The following UGT2A1 variants were observed in gnomAD, a reference collection of about 807,000 sequenced individuals.
UGT2A1 encodes the protein UDP-glucuronosyltransferase 2A1.
Under a neutral mutation model 45.4 loss-of-function variants are expected in UGT2A1, and 61 were observed. The observed-to-expected ratio is 1.34, with a 90% confidence interval of 1.09 to 1.66. The LOEUF is 1.66. Among genes scored for constraint, UGT2A1 ranks in the 40% most tolerant of loss-of-function variants. The probability of loss-of-function intolerance (pLI) is 0.00; values close to 1 mark genes in which losing one functional copy is unlikely to be tolerated. For missense variants in UGT2A1, 649 were observed against 574.3 expected (o/e 1.13, Z -1.33); for synonymous variants, 229 against 196.2 (o/e 1.17, Z -1.40).
chr4:69,649,550 C>T (rs1349649172), intron 1 of UGT2A1, among the ~76,000 whole-genome samples: 1 of 152,028 alleles, frequency 6.6e-6, no homozygotes, highest in Non-Finnish European at 1.5e-5. Flanking sequence ...ACCAGTTAGG[C>T]AGATAGTTAG....
chr4:69,597,026 A>T (rs1718971004), intron 4 of UGT2A1, among the ~76,000 whole-genome samples: 1 of 152,208 alleles, frequency 6.6e-6, no homozygotes, highest in African/African-American at 2.4e-5. Flanking sequence ...TCATAAAAAC[A>T]GTTTTTGGAG....
intron 4 of UGT2A1, among the ~76,000 whole-genome samples, 176 bp from the exon 5 acceptor site, chr4:69,595,425 T>A (rs981681690): frequency 6.6e-6 from 1 of 152,232 alleles, no homozygotes; most frequent in South Asian, 2.1e-4. Context: ...TTTTGTAAAG[T>A]CTTGTACTAA....
In UGT2A1 at chr4:69,607,602, G is replaced by C. The variant is rs1422705934; in HGVS notation, c.848-8208C>G. On this transcript the variant is annotated intron_variant, in intron 3 of 6. Coordinates refer to ENST00000286604, the MANE Select transcript of UGT2A1 (RefSeq NM_001252275.3). Reference sequence around the variant, plus strand: ...ATTAAACTAAAGAGCTTCTGCACAGGAAAAGAAACTACCATCAGAGTGAAC... The same window carrying C: ...ATTAAACTAAAGAGCTTCTGCACAGCAAAAGAAACTACCATCAGAGTGAAC... Among the ~76,000 whole-genome samples, 124 of 150,884 alleles carry C rather than the reference G, an allele frequency of 8.2e-4. 1 individual carries two copies. Among genetic ancestry groups the C allele is most frequent in the African/African-American group, 2.7e-3 (110 of 41,296 alleles).
intron 3 of UGT2A1, among the ~76,000 whole-genome samples, chr4:69,615,713 A>G (rs943580426): frequency 6.6e-6 from 1 of 151,938 alleles, no homozygotes; most frequent in Admixed American, 6.6e-5. Context: ...CCCCGCCGCA[A>G]AAACAAACAA....
At chr4:69,614,359 T>C (rs921929588) in intron 3 of UGT2A1, among the ~76,000 whole-genome samples, 1 of 151,954 alleles carries the variant, frequency 6.6e-6, no homozygotes, top group East Asian at 1.9e-4. Context: ...GTTCATAGAA[T>C]AGAGGAATCG....
rs1199302460 is a variant in UGT2A1, at chr4:69,629,859, C to T, written c.847+5832G>A. On this transcript the variant is annotated intron_variant, in intron 3 of 6. Coordinates refer to ENST00000286604, the MANE Select transcript of UGT2A1 (RefSeq NM_001252275.3). ...CCTGTGAGTCTTTCTAGTGAATCAT[C>T]GAGTCTCAGAGTAGATCCATAAGAA... Among the ~76,000 whole-genome samples the T allele has an allele frequency of 2.6e-5, 4 of 152,010 alleles. 1 individual carries two copies. In the South Asian group the frequency reaches 6.3e-4, roughly 24 times the overall value.
At chr4:69,624,264 T>C (rs552149033) in intron 3 of UGT2A1, among the ~76,000 whole-genome samples, 1 of 151,632 alleles carries the variant, frequency 6.6e-6, no homozygotes, top group Non-Finnish European at 1.5e-5. Flanking sequence ...TCTCTGAAGG[T>C]CTAATTTATC....
rs751362324 is a variant in UGT2A1, at chr4:69,599,260, T to A, written c.982A>T (p.Lys328Ter). The change falls in exon 4 of 7, where the codon AAA becomes TAA. Residue 328 changes from lysine to a stop codon, truncating the protein, a stop_gained. Coordinates refer to ENST00000286604, the MANE Select transcript of UGT2A1 (RefSeq NM_001252275.3). LOFTEE classifies it high-confidence loss of function. ...FVGGLHCKPA[K>*]PLPKVLWRYK... The stretch of plus-strand genomic sequence containing the variant: ...TGTAGACCTACCTTAGGTAAAGGTT[T>A]GGCAGGTTTGCAGTGCAATCCTCCA... The A allele has an allele frequency of 4.3e-6, 7 of 1,613,602 alleles. No individual in the cohort carries two copies. Among genetic ancestry groups the A allele is most frequent in the Non-Finnish European group, 5.9e-6 (7 of 1,179,810 alleles).
In UGT2A1 at chr4:69,626,352, C is replaced by CA. The variant is rs985337760; in HGVS notation, c.847+9338dup. Among the ~76,000 whole-genome samples the CA allele has an allele frequency of 6.5e-4, 94 of 143,732 alleles. 1 individual carries two copies. Among genetic ancestry groups the CA allele is most frequent in the East Asian group, 4.0e-3 (20 of 4,974 alleles). 94.3% of individuals were successfully genotyped at this position (143,732 alleles called of 152,430 possible). On this transcript the variant is annotated intron_variant, in intron 3 of 6. Transcript: ENST00000286604. ...GATGTTTGGAGACCTTTAACCATGG[C>CA]AAAAAAAAAACTATATACATATGTA...
At chr4:69,624,107 A>C (rs935540231) in intron 3 of UGT2A1, among the ~76,000 whole-genome samples, 1 of 151,570 alleles carries the variant, frequency 6.6e-6, no homozygotes, top group Admixed American at 6.6e-5. Flanking sequence ...TATAAATGGG[A>C]ATCTGTCTAT....
chr4:69,638,810 T>A, intron 2 of UGT2A1: 13 of 1,416,634 alleles, frequency 9.2e-6, no homozygotes, highest in Non-Finnish European at 1.1e-5. Context: ...CAGCTCAGCA[T>A]ATGCAGTGGA....
intron 3 of UGT2A1, among the ~76,000 whole-genome samples, chr4:69,608,949 C>A (rs1285308447): frequency 1.3e-5 from 2 of 151,992 alleles, no homozygotes; most frequent in African/African-American, 4.8e-5. Flanking sequence ...GCATAAAAAT[C>A]CTTTTTTTAA....
At chr4:69,639,670 A>T (rs773676257) in intron 2 of UGT2A1, 1 of 1,519,446 alleles carries the variant, frequency 6.6e-7, no homozygotes, top group Non-Finnish European at 8.8e-7. Context: ...GATGAAAAAA[A>T]AATCTTCAAA....
In UGT2A1 at chr4:69,608,922, TA is replaced by T. The variant is rs1322588760; in HGVS notation, c.848-9529del. ...TATGTTTAAAGTAAAAGCAAAACCATAGCTTCTATTAAGACAGCATAAAAAT... is the reference window on the plus strand; with the variant it reads ...TATGTTTAAAGTAAAAGCAAAACCATGCTTCTATTAAGACAGCATAAAAAT... On this transcript the variant is annotated intron_variant, in intron 3 of 6. Transcript: ENST00000286604. Among the ~76,000 whole-genome samples the T allele has an allele frequency of 7.2e-5, 11 of 152,182 alleles. No homozygotes were observed. In the South Asian group the frequency reaches 1.2e-3, roughly 17 times the overall value.
Position 69,632,888 on chromosome 4 carries a change from A to C in UGT2A1, c.847+2803T>G, listed in dbSNP as rs145695253. 5.3e-3 allele frequency among the ~76,000 whole-genome samples: 789 copies of C among 149,680 alleles called. 8 individuals carry two copies. Among genetic ancestry groups the C allele is most frequent in the African/African-American group, 0.018 (722 of 40,768 alleles). ...GAGCGACAGTGCAAGACTCGGTCAA[A>C]AAAAAAAAAAAAAGTAACTACATTT... On this transcript the variant is annotated intron_variant, in intron 3 of 6. Coordinates refer to ENST00000286604, the MANE Select transcript of UGT2A1 (RefSeq NM_001252275.3).
At chr4:69,637,851 A>G (rs1721799607) in intron 2 of UGT2A1, among the ~76,000 whole-genome samples, 2 of 152,004 alleles carry the variant, frequency 1.3e-5, no homozygotes, top group African/African-American at 4.8e-5. Context: ...TTTTTTACAC[A>G]AAGTAAACAA....
chr4:69,646,590 C>T (rs557471852), intron 2 of UGT2A1, among the ~76,000 whole-genome samples: 80 of 151,734 alleles, frequency 5.3e-4, no homozygotes, highest in African/African-American at 1.7e-3. Flanking sequence ...TAACATTTTC[C>T]GGCTTTCTCC....
In UGT2A1 at chr4:69,647,340, G is replaced by A. The variant is rs1722320994; in HGVS notation, c.305C>T (p.Ser102Leu). 6.2e-7 allele frequency: 1 copy of A among 1,613,280 alleles called. No individual in the cohort carries two copies. Among genetic ancestry groups the A allele is most frequent in the South Asian group, 1.1e-5 (1 of 91,030 alleles). ...CTCCTGATAGAATCTCCAAATGGTT[G>A]AAGGAGATGGTCTATTTTCCAGCCA... ...LTWLENRPSP[S>L]TIWRFYQEMA... Residue 102 changes from serine to leucine, a missense_variant, in exon 2 of 7, where the codon TCA becomes TTA. Ser to Leu is a moderately radical substitution (Grantham distance 145). Transcript: ENST00000286604.
chr4:69,599,257 G>A lies in UGT2A1; in HGVS notation c.985C>T (p.Pro329Ser). The change falls in exon 4 of 7, where the codon CCT becomes TCT. Residue 329 changes from proline (P) to serine (S), a missense_variant. By Grantham distance (74) the Pro-to-Ser change is moderately conservative. Transcript: ENST00000286604. ...TGTTGTAGACCTACCTTAGGTAAAG[G>A]TTTGGCAGGTTTGCAGTGCAATCCT... ...VGGLHCKPAK[P>S]LPKVLWRYKG... 1 of 1,613,378 alleles carries A rather than the reference G, an allele frequency of 6.2e-7. No individual in the cohort carries two copies. The highest frequency in any genetic ancestry group is 8.5e-7 in the Non-Finnish European group (1 of 1,179,738).
Sources: gnomAD v4.1 joint callset for allele counts (sites outside exome capture counted in the v4.1 genomes callset) on GRCh38, gnomAD v4.1.1 for gene constraint, MANE v1.5 for transcripts, NCBI Gene and HGNC (gene_info 2026-07-23, HGNC 2026-07-21) for gene names.